Variants in ZNF701 observed in about 807,000 individuals in gnomAD.
ZNF701 encodes zinc finger protein 701.
ZNF701 carries 6 observed loss-of-function variants against 7.1 expected under a neutral mutation model. That is an observed-to-expected ratio of 0.84 (90% CI 0.46 to 1.66). The LOEUF (loss-of-function observed/expected upper bound fraction) is 1.66. Among genes scored for constraint, ZNF701 ranks in the 40% most tolerant of loss-of-function variants. The probability of loss-of-function intolerance (pLI) is 0.01; values close to 1 mark genes in which losing one functional copy is unlikely to be tolerated. For synonymous variants in ZNF701, 166 were observed against 188.2 expected (o/e 0.88, Z 0.97); for missense variants, 541 against 559.2 (o/e 0.97, Z 0.33).
At chr19:52,582,145 C>T in intron 3 of ZNF701, 57 bp from the exon 4 acceptor site, 1 of 1,400,852 alleles carries the variant, frequency 7.1e-7, no homozygotes, top group Non-Finnish European at 9.6e-7. Flanking sequence ...TTACACATTT[C>T]AGTATTGTAT....
chr19:52,583,616 A>G lies in ZNF701; in HGVS notation c.*159A>G, dbSNP rs1273314684. 1.5e-6 allele frequency: 2 copies of G among 1,334,094 alleles called. No homozygotes were observed. Among genetic ancestry groups the G allele is most frequent in the Non-Finnish European group, 2.2e-6 (2 of 926,162 alleles). 82.6% of individuals were successfully genotyped at this position (1,334,094 alleles called of 1,614,324 possible). The stretch of plus-strand genomic sequence containing the variant: ...ATAGGAGAGTTCATACTGGAGAGAA[A>G]CCATACAAATGTAAGGTTTGTGACA... On this transcript the variant is annotated 3_prime_UTR_variant, in exon 4 of 4. Transcript: ENST00000391785.
Position 52,583,275 on chromosome 19 carries a change from G to A in ZNF701, c.1216G>A (p.Gly406Arg). 1 of 1,613,734 alleles carries A rather than the reference G, an allele frequency of 6.2e-7. No homozygotes were observed. Among genetic ancestry groups the A allele is most frequent in the Non-Finnish European group, 8.5e-7 (1 of 1,179,856 alleles). The change falls in exon 4 of 4, where the codon GGA becomes AGA. Residue 406 changes from glycine (G) to arginine (R), a missense_variant. Physicochemically the swap from Gly to Arg is moderately radical, Grantham distance 125. Transcript: ENST00000391785. ...TGTAATGCATAAGGTCATTCATACT[G>A]GAGAGAAACGTTACAAGTGTAATGA... is the stretch of plus-strand genomic sequence containing the variant. ...SLVMHKVIHT[G>R]EKRYKCNECG...
chr19:52,580,327 C>T (rs979640976), intron 3 of ZNF701, among the ~76,000 whole-genome samples: 1 of 151,904 alleles, frequency 6.6e-6, no homozygotes, highest in Non-Finnish European at 1.5e-5. Flanking sequence ...TTTTTCATGC[C>T]TTTTTATTTT....
At position 52,583,213 on chromosome 19, in the gene ZNF701, A is replaced by G; in HGVS notation, c.1154A>G (p.Asn385Ser). 1 of 1,610,540 alleles carries G rather than the reference A, an allele frequency of 6.2e-7. No individual in the cohort carries two copies. Among genetic ancestry groups the G allele is most frequent in the Non-Finnish European group, 8.5e-7 (1 of 1,177,264 alleles). The change falls in exon 4 of 4, where the codon AAT (asparagine) becomes AGT (serine). Residue 385 changes from asparagine (N) to serine (S), a missense_variant. Coordinates refer to ENST00000391785, the MANE Select transcript of ZNF701 (RefSeq NM_018260.3). ...IHTGEKPYKC[N>S]ECGKTFVQNS... ...ACTGGAGAGAAACCTTACAAGTGTA[A>G]TGAGTGTGGCAAGACCTTTGTTCAA...
intron 1 of ZNF701, among the ~76,000 whole-genome samples, chr19:52,571,866 C>G (rs558017113): frequency 6.6e-6 from 1 of 151,974 alleles, no homozygotes; most frequent in Non-Finnish European, 1.5e-5. Context: ...TCTTGTTGCC[C>G]GTGCTGGAGT....
Position 52,582,338 on chromosome 19 carries a change from T to C in ZNF701, c.279T>C (p.Asp93=), listed in dbSNP as rs369412008. ...CTTGCTTCCAGGAAATTGAGAAAGA[T>C]ATTCATGACTTTGTGTTTCAGTGGC... The part of the protein sequence containing the change: ...GDTCFQEIEK[D]IHDFVFQWQE... Residue 93 remains aspartate (D), a synonymous_variant, in exon 4 of 4, where the codon GAT becomes GAC. Coordinates refer to ENST00000391785, the MANE Select transcript of ZNF701 (RefSeq NM_018260.3). 26 of 1,613,680 alleles carry C rather than the reference T, an allele frequency of 1.6e-5. No individual in the cohort carries two copies. The highest frequency in any genetic ancestry group is 1.9e-5 in the Non-Finnish European group (22 of 1,179,946).
the ZNF701 span, chr19:52,592,290 T>A: frequency 6.8e-7 from 1 of 1,465,080 alleles, no homozygotes; most frequent in Non-Finnish European, 9.3e-7. Flanking sequence ...CTCTTCCTGG[T>A]TTTGTATTCT....
chr19:52,576,416 C>G (rs1352402922), intron 3 of ZNF701, among the ~76,000 whole-genome samples: 1 of 152,068 alleles, frequency 6.6e-6, no homozygotes, highest in Non-Finnish European at 1.5e-5. Context: ...TGGTGCATGC[C>G]TGTAATCCCA....
chr19:52,581,335 T>G (rs2059974271), intron 3 of ZNF701, among the ~76,000 whole-genome samples: 1 of 152,124 alleles, frequency 6.6e-6, no homozygotes, highest in East Asian at 1.9e-4. Context: ...TTCTCCTTCC[T>G]TAGCCTCCCA....
At chr19:52,580,736 AT>A (rs2059970133) in intron 3 of ZNF701, among the ~76,000 whole-genome samples, 1 of 152,128 alleles carries the variant, frequency 6.6e-6, no homozygotes, top group African/African-American at 2.4e-5. Flanking sequence ...GCCAGAAAAT[AT>A]TTATCAATAT....
chr19:52,578,409 T>G, intron 3 of ZNF701, among the ~76,000 whole-genome samples: 1 of 152,124 alleles, frequency 6.6e-6, no homozygotes. Flanking sequence ...AGATTCACCC[T>G]CCTTACCCTG....
chr19:52,589,627 G>C (rs1001303583), downstream of ZNF701, among the ~76,000 whole-genome samples: 1 of 151,810 alleles, frequency 6.6e-6, no homozygotes, highest in Non-Finnish European at 1.5e-5. Flanking sequence ...TGACAGGCAG[G>C]TGCCACCACT....
chr19:52,574,486 A>G (rs768867477), intron 2 of ZNF701, among the ~76,000 whole-genome samples: 6 of 151,916 alleles, frequency 3.9e-5, no homozygotes, highest in Non-Finnish European at 5.9e-5. Context: ...TGCACTGTCA[A>G]CTCTCTGTGG....
At chr19:52,572,112 C>T (rs990456966) in intron 1 of ZNF701, 8 of 297,404 alleles carry the variant, frequency 2.7e-5, no homozygotes, top group East Asian at 1.2e-4. Context: ...CATGAGCCAC[C>T]GAGCCCGGCC....
In ZNF701 at chr19:52,582,192, T is replaced by C; in HGVS notation, c.143-10T>C. On this transcript the variant is annotated splice_polypyrimidine_tract_variant and intron_variant, in intron 3 of 3. Coordinates refer to ENST00000391785, the MANE Select transcript of ZNF701 (RefSeq NM_018260.3). ...TTAATTTGAAACCTATTTGTGTTTATATTTTGTAGATACCTCTTCCAAATG... is the reference window on the plus strand; with the variant it reads ...TTAATTTGAAACCTATTTGTGTTTACATTTTGTAGATACCTCTTCCAAATG... 6.4e-7 allele frequency: 1 copy of C among 1,557,142 alleles called. No homozygotes were observed. Among genetic ancestry groups the C allele is most frequent in the Non-Finnish European group, 8.7e-7 (1 of 1,153,766 alleles).
chr19:52,575,968 G>C lies in ZNF701; in HGVS notation c.89G>C (p.Arg30Thr). The change falls in exon 3 of 4, where the codon AGG (arginine) becomes ACG (threonine). Residue 30 changes from arginine to threonine, a missense_variant. Arg to Thr is a moderately conservative substitution (Grantham distance 71). Transcript: ENST00000391785. ...EEWKCLDPAQ[R>T]TLYRDVMLEN... Reference sequence around the variant, plus strand: ...TGGAAATGCCTGGACCCTGCTCAGAGGACTCTATACAGAGACGTGATGCTG... The same window carrying C: ...TGGAAATGCCTGGACCCTGCTCAGACGACTCTATACAGAGACGTGATGCTG... 6.3e-6 allele frequency: 10 copies of C among 1,583,748 alleles called. No individual in the cohort carries two copies. Among genetic ancestry groups the C allele is most frequent in the Non-Finnish European group, 7.7e-6 (9 of 1,169,666 alleles).
chr19:52,592,552 C>T, the ZNF701 span, among the ~76,000 whole-genome samples: 5 of 152,336 alleles, frequency 3.3e-5, no homozygotes, highest in African/African-American at 4.8e-5. Flanking sequence ...AAGCATCACA[C>T]TGACTGACAA....
At chr19:52,587,189 A>G (rs1391581975), downstream of ZNF701, 3 of 152,248 alleles carry the variant, frequency 2.0e-5, no homozygotes, top group African/African-American at 7.2e-5. Flanking sequence ...TGTAATTTAT[A>G]ATGTAAAGAG....
At chr19:52,599,577 C>T in the ZNF701 span, among the ~76,000 whole-genome samples, 1 of 152,280 alleles carries the variant, frequency 6.6e-6, no homozygotes, top group East Asian at 1.9e-4. Flanking sequence ...AATCAAGTTG[C>T]TGCAGCCTAT....
Sources: gnomAD v4.1 joint callset for allele counts (sites outside exome capture counted in the v4.1 genomes callset) on GRCh38, gnomAD v4.1.1 for gene constraint, MANE v1.5 for transcripts, NCBI Gene and HGNC (gene_info 2026-07-23, HGNC 2026-07-21) for gene names.